TRIO: variants seen among roughly 807,000 people sequenced by gnomAD.
TRIO encodes the protein trio Rho guanine nucleotide exchange factor, also known as triple functional domain protein.
Under a neutral mutation model 351.9 loss-of-function variants are expected in TRIO, and 58 were observed. The observed-to-expected ratio is 0.16, with a 90% CI of 0.13 to 0.21. TRIO has a LOEUF of 0.21. TRIO is among the 10% of genes least tolerant of loss of function. TRIO has a pLI of 1.00. For missense variants in TRIO, 3,201 were observed against 4,027.8 expected, an observed-to-expected ratio of 0.79 and a Z score of 5.56; for synonymous variants, 1,758 against 1,595.7, an observed-to-expected ratio of 1.10 and a Z score of -2.42.
intron 9 of TRIO, among the ~76,000 whole-genome samples, chr5:14,324,763 C>T (rs775252982): frequency 6.6e-6 from 1 of 152,074 alleles, no homozygotes; most frequent in Non-Finnish European, 1.5e-5. Flanking sequence ...ATTCAGAATT[C>T]AGAATTTCTC....
At chr5:14,388,557 G>A (rs1281085197) in intron 23 of TRIO, 56 bp from the exon 24 acceptor site, 1 of 1,499,374 alleles carries the variant, frequency 6.7e-7, no homozygotes, top group African/African-American at 1.4e-5. Flanking sequence ...CATAAAAGTA[G>A]ATAGTGAAGT....
intron 16 of TRIO, 145 bp from the exon 17 acceptor site, chr5:14,368,563 G>C: frequency 1.2e-6 from 1 of 802,424 alleles, no homozygotes; most frequent in South Asian, 2.4e-5. Flanking sequence ...ACTGTCTGCT[G>C]TGCTTTTAGA....
intron 11 of TRIO, among the ~76,000 whole-genome samples, chr5:14,352,560 A>G (rs1743237730): frequency 6.6e-6 from 1 of 152,192 alleles, no homozygotes. Context: ...TCCTTGAGTG[A>G]TGTTTCATTA....
At chr5:14,347,075 G>C (rs1742490291) in intron 11 of TRIO, among the ~76,000 whole-genome samples, 1 of 149,746 alleles carries the variant, frequency 6.7e-6, no homozygotes, top group Non-Finnish European at 1.5e-5. Flanking sequence ...TGCTGGACCA[G>C]TCATCTCAGG....
chr5:14,151,810 T>A (rs1330592610), intron 1 of TRIO, among the ~76,000 whole-genome samples: 2 of 152,234 alleles, frequency 1.3e-5, no homozygotes, highest in African/African-American at 4.8e-5. Context: ...GAGGGCACTC[T>A]TTGGCATTTG....
rs376677276 is a variant in TRIO, at chr5:14,167,123, A to G, written c.157+23241A>G. Reference sequence around the variant, plus strand: ...GTCAATGGAGGGTGAAGAAGCATCCATTATCAGGTTTCCTTTGAGATTTAA... The same window carrying G: ...GTCAATGGAGGGTGAAGAAGCATCCGTTATCAGGTTTCCTTTGAGATTTAA... On this transcript the variant is annotated intron_variant, in intron 1 of 56. Transcript: ENST00000344204. Among the ~76,000 whole-genome samples the G allele has an allele frequency of 4.0e-5, 6 of 151,104 alleles. No individual in the cohort carries two copies. In the South Asian group the frequency reaches 6.3e-4, roughly 16 times the overall value.
intron 1 of TRIO, among the ~76,000 whole-genome samples, chr5:14,241,004 G>C (rs1350477127): frequency 6.6e-6 from 1 of 152,126 alleles, no homozygotes; most frequent in Non-Finnish European, 1.5e-5. Flanking sequence ...TTAAAATACT[G>C]GTGAGGTTTT....
chr5:14,317,933 C>A (rs1739514784), intron 9 of TRIO, among the ~76,000 whole-genome samples: 1 of 152,106 alleles, frequency 6.6e-6, no homozygotes, highest in African/African-American at 2.4e-5. Flanking sequence ...TCGAGACGAG[C>A]CTGCCCAACA....
chr5:14,500,912 AAC>A (rs1379192678), intron 53 of TRIO, among the ~76,000 whole-genome samples: 278 of 141,020 alleles, frequency 2.0e-3, no homozygotes, highest in African/African-American at 6.9e-3. Flanking sequence ...AAAAAAAAAA[AAC>A]ACACAGGGAA....
At chr5:14,254,468 C>T (rs1042354135) in intron 1 of TRIO, among the ~76,000 whole-genome samples, 2 of 152,200 alleles carry the variant, frequency 1.3e-5, no homozygotes, top group Non-Finnish European at 2.9e-5. Flanking sequence ...CTGCTTGCTG[C>T]ATGGAGGACC....
At chr5:14,343,720 A>G (rs1216050540) in intron 11 of TRIO, among the ~76,000 whole-genome samples, 1 of 152,246 alleles carries the variant, frequency 6.6e-6, no homozygotes, top group Non-Finnish European at 1.5e-5. Context: ...CACAGAAATT[A>G]TGAACAATCC....
intron 7 of TRIO, among the ~76,000 whole-genome samples, chr5:14,297,832 C>T (rs1482836405): frequency 6.6e-6 from 1 of 152,224 alleles, no homozygotes; most frequent in African/African-American, 2.4e-5. Flanking sequence ...ACAGTCAGGG[C>T]AGCACACCTC....
At chr5:14,413,816 A>G (rs1254306566) in intron 33 of TRIO, among the ~76,000 whole-genome samples, 1 of 152,226 alleles carries the variant, frequency 6.6e-6, no homozygotes, top group African/African-American at 2.4e-5. Context: ...TGTAAATTTT[A>G]CACAACATGA....
chr5:14,379,833 T>A (rs1298549258), intron 20 of TRIO, among the ~76,000 whole-genome samples: 1 of 152,226 alleles, frequency 6.6e-6, no homozygotes, highest in African/African-American at 2.4e-5. Flanking sequence ...TGGTGCCCCA[T>A]CTGCCTTCCA....
chr5:14,292,917 G>C lies in TRIO; in HGVS notation c.1054-95G>C, dbSNP rs553151404. 20 of 1,555,082 alleles carry C rather than the reference G, an allele frequency of 1.3e-5. No individual in the cohort carries two copies. In the Admixed American group the frequency reaches 3.0e-4, roughly 23 times the overall value. ...CAGCGCTTGAAGTTGTCCAGGGAAG[G>C]AAGTTGCCCTTTCTTGGTACTGCCC... is the stretch of plus-strand genomic sequence containing the variant. On this transcript the variant is annotated intron_variant, in intron 5 of 56. Transcript: ENST00000344204.
intron 34 of TRIO, among the ~76,000 whole-genome samples, chr5:14,449,305 T>C (rs1248740342): frequency 2.0e-5 from 3 of 152,166 alleles, no homozygotes; most frequent in African/African-American, 7.2e-5. Flanking sequence ...CCATCTCTGC[T>C]GGGAGGCAGT....
At chr5:14,316,456 G>T in intron 8 of TRIO, 57 bp from the exon 9 acceptor site, 2 of 1,580,826 alleles carry the variant, frequency 1.3e-6, no homozygotes, top group Non-Finnish European at 1.7e-6. Flanking sequence ...AGCATCTGTG[G>T]CACAGCCTAG....
Position 14,330,913 on chromosome 5 carries a change from C to T in TRIO, c.1854+13C>T, listed in dbSNP as rs1323605814. The T allele has an allele frequency of 3.1e-6, 5 of 1,613,364 alleles. No homozygotes were observed. The East Asian group carries it at 6.7e-5, about 22-fold the overall frequency. On this transcript the variant is annotated intron_variant, in intron 10 of 56. Transcript: ENST00000344204. ...AGAAGTGGCACAGGTAAAACAATGGCTTCTATTATTTTATCCCATAAATAC... is the reference window on the plus strand; with the variant it reads ...AGAAGTGGCACAGGTAAAACAATGGTTTCTATTATTTTATCCCATAAATAC...
chr5:14,501,091 A>T (rs973946430), intron 53 of TRIO, among the ~76,000 whole-genome samples: 1 of 151,694 alleles, frequency 6.6e-6, no homozygotes, highest in African/African-American at 2.4e-5. Context: ...AAAAAAAAAC[A>T]CCAAGCCCTT....
Sources: gnomAD v4.1 joint callset for allele counts (sites outside exome capture counted in the v4.1 genomes callset) on GRCh38, gnomAD v4.1.1 for gene constraint, MANE v1.5 for transcripts, NCBI Gene and HGNC (gene_info 2026-07-23, HGNC 2026-07-21) for gene names.